ZEB1: variants seen among roughly 807,000 people sequenced by gnomAD.
ZEB1 encodes zinc finger E-box binding homeobox 1, also known as zinc finger E-box-binding homeobox 1.
Under a neutral mutation model 84.9 loss-of-function variants are expected in ZEB1, and 21 were observed. The ratio of observed to expected loss-of-function variants is 0.25; its 90% CI spans 0.18 to 0.36. ZEB1 has a LOEUF of 0.36. Among genes scored for constraint, ZEB1 ranks in the 10% least tolerant of loss-of-function variants. The probability of loss-of-function intolerance (pLI) is 1.00; values close to 1 mark genes in which losing one functional copy is unlikely to be tolerated. For missense variants in ZEB1, 1,104 were observed against 1,330.2 expected (o/e 0.83, Z 2.65); for synonymous variants, 420 against 471.1 (o/e 0.89, Z 1.41).
At chr10:31,422,142 C>A (rs758789461) in intron 1 of ZEB1, among the ~76,000 whole-genome samples, 4 of 152,138 alleles carry the variant, frequency 2.6e-5, no homozygotes, top group Non-Finnish European at 5.9e-5. Flanking sequence ...ACCAGTCTTT[C>A]AAATAGATGT....
chr10:31,444,356 T>G (rs1301223757), intron 1 of ZEB1, among the ~76,000 whole-genome samples: 1 of 150,034 alleles, frequency 6.7e-6, no homozygotes. Context: ...TCTCCCATTT[T>G]GTAGGTTGCC....
intron 1 of ZEB1, among the ~76,000 whole-genome samples, chr10:31,442,900 A>G (rs900505236): frequency 6.6e-6 from 1 of 152,166 alleles, no homozygotes; most frequent in African/African-American, 2.4e-5. Context: ...TTGTAATTGG[A>G]GTAATTTAAG....
chr10:31,433,713 A>C (rs1205459965), intron 1 of ZEB1, among the ~76,000 whole-genome samples: 2 of 152,352 alleles, frequency 1.3e-5, no homozygotes, highest in African/African-American at 4.8e-5. Flanking sequence ...TTACTACTTC[A>C]TCAAGGATGT....
Position 31,528,744 on chromosome 10 carries a change from T to C in ZEB1, c.*1480T>C, listed in dbSNP as rs1446185723. 1 of 152,224 alleles carries C rather than the reference T, an allele frequency of 6.6e-6. No individual in the cohort carries two copies. Among genetic ancestry groups the C allele is most frequent in the African/African-American group, 2.4e-5 (1 of 41,454 alleles). 9.4% of individuals were successfully genotyped at this position (152,224 alleles called of 1,614,324 possible). On this transcript the variant is annotated 3_prime_UTR_variant, in exon 9 of 9. Transcript: ENST00000424869. ...TTAGTATGAAAATTTGGAAAGTTGA[T>C]AAGATTTAAAGTAGAGATGCAATTG...
chr10:31,385,611 C>T (rs1416143411), intron 1 of ZEB1, among the ~76,000 whole-genome samples: 1 of 151,682 alleles, frequency 6.6e-6, no homozygotes, highest in Non-Finnish European at 1.5e-5. Context: ...ACTGCAACCT[C>T]CACCTCCCAG....
chr10:31,431,943 G>A (rs2057760952), intron 1 of ZEB1, among the ~76,000 whole-genome samples: 1 of 152,174 alleles, frequency 6.6e-6, no homozygotes, highest in Non-Finnish European at 1.5e-5. Context: ...AACAGAAAAG[G>A]TGGAGACTTG....
Position 31,527,411 on chromosome 10 carries a change from A to AC in ZEB1, c.*147_*148insC. The stretch of plus-strand genomic sequence containing the variant: ...AAAAACTAAAAAAATACAAAATACA[A>AC]AACACACACACACACACACACACAC... On this transcript the variant is annotated 3_prime_UTR_variant, in exon 9 of 9. Transcript: ENST00000424869. The AC allele has an allele frequency of 3.9e-6, 3 of 771,360 alleles. No homozygotes were observed. The highest frequency in any genetic ancestry group is 5.9e-6 in the Non-Finnish European group (3 of 508,020). The allele number at this position is 771,360 out of a possible 1,614,324, so 47.8% of individuals were successfully genotyped here. A position where few individuals can be genotyped will look rare whatever the true frequency, so the allele number is the denominator to read the frequency against.
At chr10:31,395,676 T>C (rs190295358) in intron 1 of ZEB1, among the ~76,000 whole-genome samples, 3 of 152,280 alleles carry the variant, frequency 2.0e-5, no homozygotes, top group Non-Finnish European at 2.9e-5. Context: ...ATGCACCTGA[T>C]TTTAAAGGAA....
At position 31,452,732 on chromosome 10, in the gene ZEB1, TGTGTGTGTGTGAGA is replaced by T. The variant is rs979261295; in HGVS notation, c.59-8303_59-8290del. Among the ~76,000 whole-genome samples, 10 of 111,886 alleles carry T rather than the reference TGTGTGTGTGTGAGA, an allele frequency of 8.9e-5. No individual in the cohort carries two copies. The East Asian group carries it at 9.2e-4, about 10-fold the overall frequency. The allele number at this position is 111,886 out of a possible 152,430, so 73.4% of individuals were successfully genotyped here. On this transcript the variant is annotated intron_variant, in intron 1 of 8. Coordinates refer to ENST00000424869, the MANE Select transcript of ZEB1 (RefSeq NM_001174096.2). ...GTGTGTGTGTGTGTGTGTGTGTGTG[TGTGTGTGTGTGAGA>T]GAGAGAGAGAGAGAGAGAGAGAGAG...
intron 1 of ZEB1, among the ~76,000 whole-genome samples, chr10:31,405,134 G>A (rs1003320352): frequency 7.2e-5 from 11 of 152,082 alleles, no homozygotes; most frequent in Non-Finnish European, 2.9e-5. Flanking sequence ...TCCCAGATTA[G>A]CCAAAATGGG....
chr10:31,325,550 G>A (rs911069999), intron 1 of ZEB1, among the ~76,000 whole-genome samples: 2 of 151,970 alleles, frequency 1.3e-5, no homozygotes, highest in African/African-American at 4.8e-5. Flanking sequence ...AAACCTTACA[G>A]TATGGCAACC....
At chr10:31,376,588 G>C (rs2046661446) in intron 1 of ZEB1, among the ~76,000 whole-genome samples, 1 of 151,686 alleles carries the variant, frequency 6.6e-6, no homozygotes, top group South Asian at 2.1e-4. Flanking sequence ...TAGTTAAGAA[G>C]TTGGGCTCCA....
At position 31,520,285 on chromosome 10, in the gene ZEB1, C is replaced by T. The variant is rs779437491; in HGVS notation, c.953C>T (p.Ser318Leu). ...TCTCAGTGTTCTTCACCGTCTCTTT[C>T]AGCATCACCAGGCAGTCCCACACGA... ...KTSQCSSPSL[S>L]ASPGSPTRPQ... Residue 318 changes from serine (S) to leucine (L), a missense_variant, in exon 7 of 9, where the codon TCA (serine) becomes TTA (leucine). Coordinates refer to ENST00000424869, the MANE Select transcript of ZEB1 (RefSeq NM_001174096.2). The surrounding 1 kb of genome is among the most constrained non-coding windows in gnomAD (Gnocchi z 5.1). The T allele has an allele frequency of 2.5e-6, 4 of 1,613,958 alleles. No homozygotes were observed. The Admixed American group carries it at 6.7e-5, about 27-fold the overall frequency.
chr10:31,497,515 A>G (rs976983447), intron 3 of ZEB1, among the ~76,000 whole-genome samples: 1 of 152,102 alleles, frequency 6.6e-6, no homozygotes, highest in African/African-American at 2.4e-5. Flanking sequence ...AGTTAGGAGT[A>G]AGCAAACTTC....
chr10:31,336,223 A>G (rs2038018730), intron 1 of ZEB1, among the ~76,000 whole-genome samples: 2 of 152,180 alleles, frequency 1.3e-5, no homozygotes, highest in Non-Finnish European at 2.9e-5. Context: ...ACTTACATGG[A>G]AGAACTAAGA....
At chr10:31,447,902 C>A (rs1301877529) in intron 1 of ZEB1, among the ~76,000 whole-genome samples, 3 of 152,132 alleles carry the variant, frequency 2.0e-5, no homozygotes, top group African/African-American at 7.2e-5. Flanking sequence ...TGGAGTTGCT[C>A]TTCTTGAGGA....
At chr10:31,383,965 C>CTT (rs66865546) in intron 1 of ZEB1, among the ~76,000 whole-genome samples, 29 of 56,370 alleles carry the variant, frequency 5.1e-4, no homozygotes, top group Non-Finnish European at 5.9e-4. Context: ...TAGATTAGTG[C>CTT]TTTTTTTTTT....
chr10:31,408,332 C>T lies in ZEB1; in HGVS notation c.59-52705C>T, dbSNP rs988485762. The stretch of plus-strand genomic sequence containing the variant: ...TGGCCATACTGCCCAAGGTAATTTA[C>T]AGATTCAATGCCATCCCCATCAAGC... On this transcript the variant is annotated intron_variant, in intron 1 of 8. Coordinates refer to ENST00000424869, the MANE Select transcript of ZEB1 (RefSeq NM_001174096.2). 7.8e-3 allele frequency among the ~76,000 whole-genome samples: 1,171 copies of T among 151,022 alleles called. 12 individuals carry two copies. Among genetic ancestry groups the T allele is most frequent in the African/African-American group, 0.026 (1,059 of 41,138 alleles).
chr10:31,516,461 G>T (rs2071118222), intron 6 of ZEB1, among the ~76,000 whole-genome samples: 1 of 138,826 alleles, frequency 7.2e-6, no homozygotes, highest in African/African-American at 2.6e-5. Context: ...TACATATGCT[G>T]GAAGTGGACC....
Sources: gnomAD v4.1 joint callset for allele counts (sites outside exome capture counted in the v4.1 genomes callset) on GRCh38, gnomAD v4.1.1 for gene constraint, Gnocchi (gnomAD v3.1) non-coding constraint, MANE v1.5 for transcripts, NCBI Gene and HGNC (gene_info 2026-07-23, HGNC 2026-07-21) for gene names.